Variants in ABCA5 observed in about 807,000 individuals in gnomAD.
ABCA5 encodes the protein ATP binding cassette subfamily A member 5.
Under a neutral mutation model 206.0 loss-of-function variants are expected in ABCA5, and 163 were observed. The ratio of observed to expected loss-of-function variants is 0.79; its 90% confidence interval spans 0.70 to 0.90. The LOEUF (loss-of-function observed/expected upper bound fraction) is 0.90. Ranked by LOEUF, ABCA5 falls within the 40% of genes least tolerant of loss-of-function variation. ABCA5 has a pLI of 0.00. For synonymous variants in ABCA5, 609 were observed against 613.8 expected (o/e 0.99, Z 0.11); for missense variants, 1,859 against 1,912.9 (o/e 0.97, Z 0.53).
chr17:69,281,045 TAA>T (rs201516324), intron 18 of ABCA5, among the ~76,000 whole-genome samples: 1 of 141,322 alleles, frequency 7.1e-6, no homozygotes, highest in Non-Finnish European at 1.6e-5. Flanking sequence ...TAAAAAAAAA[TAA>T]AAATAAATAA....
chr17:69,272,543 C>A (rs1400883678), intron 20 of ABCA5, among the ~76,000 whole-genome samples: 5 of 151,702 alleles, frequency 3.3e-5, no homozygotes, highest in Non-Finnish European at 5.9e-5. Context: ...GATACATGTA[C>A]AATTCCCTGG....
chr17:69,250,647 T>A (rs1393618799), intron 35 of ABCA5, 26 bp from the exon 36 acceptor site: 10 of 1,509,320 alleles, frequency 6.6e-6, no homozygotes, highest in Non-Finnish European at 8.9e-6. Context: ...AAAAGAAAGC[T>A]CAGATATAAA....
At chr17:69,255,892 T>C (rs2075072764) in intron 29 of ABCA5, 42 bp from the exon 30 acceptor site, 2 of 1,457,406 alleles carry the variant, frequency 1.4e-6, no homozygotes, top group African/African-American at 1.4e-5. Flanking sequence ...TTATAAAACT[T>C]ATCATGAAAT....
chr17:69,293,809 A>AAT (rs1357829801), intron 11 of ABCA5, among the ~76,000 whole-genome samples: 2 of 147,254 alleles, frequency 1.4e-5, no homozygotes, highest in African/African-American at 5.1e-5. Context: ...AACCTCCCCT[A>AAT]ATCCCCCACC....
intron 10 of ABCA5, among the ~76,000 whole-genome samples, chr17:69,295,740 C>T (rs1009792125): frequency 5.3e-5 from 8 of 152,184 alleles, no homozygotes; most frequent in African/African-American, 1.7e-4. Context: ...TTAAAATAGA[C>T]TAATATCTAT....
At chr17:69,271,376 A>G in intron 20 of ABCA5, 87 bp from the exon 21 acceptor site, 3 of 1,371,992 alleles carry the variant, frequency 2.2e-6, no homozygotes, top group African/African-American at 1.5e-5. Context: ...TTTTTAGAGA[A>G]ATATTTTATT....
chr17:69,247,801 A>G (rs1438196386), intron 38 of ABCA5, among the ~76,000 whole-genome samples, 157 bp from the exon 39 acceptor site: 1 of 152,116 alleles, frequency 6.6e-6, no homozygotes, highest in East Asian at 1.9e-4. Context: ...ATTATTTTCA[A>G]AAGTTACATG....
intron 5 of ABCA5, among the ~76,000 whole-genome samples, chr17:69,307,928 G>A (rs189319440): frequency 1.6e-4 from 25 of 151,900 alleles, no homozygotes; most frequent in Admixed American, 1.4e-3. Context: ...AATTAGAAAG[G>A]GCAAATGGAA....
chr17:69,284,671 G>T (rs1404194563), intron 17 of ABCA5, among the ~76,000 whole-genome samples: 1 of 152,006 alleles, frequency 6.6e-6, no homozygotes, highest in East Asian at 1.9e-4. Flanking sequence ...TTACATTTCT[G>T]CAAATCTCTT....
intron 23 of ABCA5, among the ~76,000 whole-genome samples, chr17:69,265,194 C>A (rs34334829): frequency 5.3e-5 from 8 of 151,564 alleles, no homozygotes; most frequent in African/African-American, 1.7e-4. Flanking sequence ...GGTGTCATGG[C>A]GGTTGGGGTT....
Position 69,286,238 on chromosome 17 carries a change from C to T in ABCA5, c.2115G>A (p.Gly705=). ...GSSMFLKSKW[G]IGYRLSMYID... ...AATGATACCTCAGGCGGTAGCCGATCCCCCATTTACTTTTGAGGAACATTG... is the reference window on the plus strand; with the variant it reads ...AATGATACCTCAGGCGGTAGCCGATTCCCCATTTACTTTTGAGGAACATTG... Residue 705 remains glycine (G), a synonymous_variant, in exon 16 of 39, where the codon GGG becomes GGA. Coordinates refer to ENST00000392676, the MANE Select transcript of ABCA5 (RefSeq NM_172232.4). 2 of 1,600,170 alleles carry T rather than the reference C, an allele frequency of 1.2e-6. No homozygotes were observed. Among genetic ancestry groups the T allele is most frequent in the Non-Finnish European group, 1.7e-6 (2 of 1,176,416 alleles).
chr17:69,260,592 T>C (rs1236662382), intron 26 of ABCA5, among the ~76,000 whole-genome samples, 180 bp from the exon 27 acceptor site: 1 of 151,904 alleles, frequency 6.6e-6, no homozygotes, highest in Non-Finnish European at 1.5e-5. Context: ...TGAGGATCAG[T>C]ATAAATTAAA....
In ABCA5 at chr17:69,287,766, G is replaced by C. The variant is rs1306853667; in HGVS notation, c.1903-15C>G. 2 of 1,607,708 alleles carry C rather than the reference G, an allele frequency of 1.2e-6. No homozygotes were observed. Reference sequence around the variant, plus strand: ...AGCAGCAGTATCTGTGTGAAAAGAGGTGAAGAAGGGCAGGGAATCCTCAGA... The same window carrying C: ...AGCAGCAGTATCTGTGTGAAAAGAGCTGAAGAAGGGCAGGGAATCCTCAGA... On this transcript the variant is annotated splice_polypyrimidine_tract_variant and intron_variant, in intron 14 of 38. Transcript: ENST00000392676.
At position 69,273,851 on chromosome 17, in the gene ABCA5, C is replaced by G. The variant is rs571025081; in HGVS notation, c.2764+108G>C. ...AACTATAATTTAGATTTCATGCAGA[C>G]AGACCATGCCTTTACCTTAAATATA... is the stretch of plus-strand genomic sequence containing the variant. On this transcript the variant is annotated intron_variant, in intron 20 of 38. Coordinates refer to ENST00000392676, the MANE Select transcript of ABCA5 (RefSeq NM_172232.4). 3 of 1,030,522 alleles carry G rather than the reference C, an allele frequency of 2.9e-6. No individual in the cohort carries two copies. The African/African-American group carries it at 4.9e-5, about 17-fold the overall frequency. 63.8% of individuals were successfully genotyped at this position (1,030,522 alleles called of 1,614,324 possible).
intron 28 of ABCA5, among the ~76,000 whole-genome samples, chr17:69,257,412 T>A (rs1191517333): frequency 1.3e-5 from 2 of 151,096 alleles, no homozygotes; most frequent in Non-Finnish European, 2.9e-5. Context: ...TATTAAAGCC[T>A]GCAGATTAGT....
At position 69,313,072 on chromosome 17, in the gene ABCA5, T is replaced by G. The variant is rs1244900455; in HGVS notation, c.307+20A>C. 1 of 1,540,360 alleles carries G rather than the reference T, an allele frequency of 6.5e-7. No homozygotes were observed. Among genetic ancestry groups the G allele is most frequent in the Admixed American group, 1.9e-5 (1 of 51,764 alleles). On this transcript the variant is annotated intron_variant, in intron 3 of 38. Transcript: ENST00000392676. ...AAGGCTTAATATTATAAACAGAATA[T>G]ATATATAAGCTCACAATACCATCAG...
At chr17:69,278,702 A>G (rs1020181887) in intron 18 of ABCA5, among the ~76,000 whole-genome samples, 2 of 152,208 alleles carry the variant, frequency 1.3e-5, no homozygotes, top group Admixed American at 6.5e-5. Flanking sequence ...ACAGTTAAAC[A>G]TTCCAAATGT....
chr17:69,279,283 T>C lies in ABCA5; in HGVS notation c.2393-1441A>G, dbSNP rs903026522. On this transcript the variant is annotated intron_variant, in intron 18 of 38. Coordinates refer to ENST00000392676, the MANE Select transcript of ABCA5 (RefSeq NM_172232.4). ...ATCATGAGTGAACTCCCATTCACAA[T>C]TGCTTCAAAGAGAATAAAATACCTA... Among the ~76,000 whole-genome samples, 418 of 152,088 alleles carry C rather than the reference T, an allele frequency of 2.7e-3. 3 individuals carry two copies. Among genetic ancestry groups the C allele is most frequent in the African/African-American group, 9.1e-3 (377 of 41,524 alleles).
rs944945275 is a variant in ABCA5 at position 69,270,471 on chromosome 17, C to A, written c.3030+142G>T. The A allele has an allele frequency of 5.5e-5, 39 of 705,506 alleles. 1 individual carries two copies. In the South Asian group the frequency reaches 6.5e-4, roughly 12 times the overall value. The allele number at this position is 705,506 out of a possible 1,614,324, so 43.7% of individuals were successfully genotyped here. A position where few individuals can be genotyped will look rare whatever the true frequency, so the allele number is the denominator to read the frequency against. ...GGGGAATCCTAAACCTTAATGTAAA[C>A]CGTTTCTCACTTGAGTTTTAAGAAG... On this transcript the variant is annotated intron_variant, in intron 22 of 38. Coordinates refer to ENST00000392676, the MANE Select transcript of ABCA5 (RefSeq NM_172232.4).
Sources: gnomAD v4.1 joint callset for allele counts (sites outside exome capture counted in the v4.1 genomes callset) on GRCh38, gnomAD v4.1.1 for gene constraint, MANE v1.5 for transcripts, NCBI Gene and HGNC (gene_info 2026-07-23, HGNC 2026-07-21) for gene names.